PC: variants seen among roughly 807,000 people sequenced by gnomAD.
PC encodes the protein pyruvate carboxylase.
In PC, 46 loss-of-function variants were observed where a neutral mutation model predicts 107.8. The observed-to-expected ratio is 0.43, with a 90% CI of 0.34 to 0.55. The LOEUF (loss-of-function observed/expected upper bound fraction) is 0.55, where lower values mean the gene tolerates loss of function less well. Among genes scored for constraint, PC ranks in the 20% least tolerant of loss-of-function variants. The pLI is 0.04. For synonymous variants in PC, 662 were observed against 684.7 expected (o/e 0.97, Z 0.52); for missense variants, 1,241 against 1,643.1 (o/e 0.76, Z 4.23).
chr11:66,868,821 G>A lies in PC; in HGVS notation c.1022+25C>T, dbSNP rs374098535. 191 of 1,577,188 alleles carry A rather than the reference G, an allele frequency of 1.2e-4. No individual in the cohort carries two copies. In the African/African-American group the frequency reaches 1.7e-3, roughly 14 times the overall value. The stretch of plus-strand genomic sequence containing the variant: ...GCAAATCCTAGAAGCCGCGCCTCCC[G>A]CCCCGCCTGCCCGCCCACACTCACT... On this transcript the variant is annotated intron_variant, in intron 10 of 22. Coordinates refer to ENST00000393960, the MANE Select transcript of PC (RefSeq NM_001040716.2).
intron 3 of PC, among the ~76,000 whole-genome samples, chr11:66,902,466 C>T (rs1306325855): frequency 6.6e-6 from 1 of 152,134 alleles, no homozygotes; most frequent in Non-Finnish European, 1.5e-5. Flanking sequence ...TGGAAAGACA[C>T]CCAGATGAAC....
chr11:66,900,122 C>A (rs1947893904), intron 3 of PC, among the ~76,000 whole-genome samples: 1 of 151,712 alleles, frequency 6.6e-6, no homozygotes, highest in African/African-American at 2.4e-5. Context: ...TATCCTTACA[C>A]CAGTACCACA....
chr11:66,859,208 G>A (rs903609817), intron 12 of PC: 5 of 1,293,782 alleles, frequency 3.9e-6, no homozygotes, highest in Admixed American at 2.9e-5. Context: ...CCCCCTCCCC[G>A]ACCATGGCTG....
At position 66,852,322 on chromosome 11, in the gene PC, C is replaced by A; in HGVS notation, c.1825+117G>T. The A allele has an allele frequency of 1.1e-6, 1 of 922,654 alleles. No individual in the cohort carries two copies. Among genetic ancestry groups the A allele is most frequent in the East Asian group, 2.5e-5 (1 of 40,134 alleles). 57.2% of individuals were successfully genotyped at this position (922,654 alleles called of 1,614,324 possible). On this transcript the variant is annotated intron_variant, in intron 15 of 22. Transcript: ENST00000393960. This position sits in a 1 kb window ranked among gnomAD's most constrained non-coding sequence, Gnocchi z 4.7. ...GGCGCTGTGCCTTCTTCGGTCCTTC[C>A]TCTTTGGTGTTCTTCGTGTCAGCGT...
chr11:66,877,900 C>T (rs1260732067), intron 3 of PC, among the ~76,000 whole-genome samples: 2 of 152,272 alleles, frequency 1.3e-5, no homozygotes, highest in South Asian at 2.1e-4. Flanking sequence ...CTCACTCCCA[C>T]GTGCTATGGA....
Position 66,871,427 on chromosome 11 carries a change from C to T in PC, c.375G>A (p.Ala125=), listed in dbSNP as rs775684836. The T allele has an allele frequency of 1.6e-5, 26 of 1,613,460 alleles. 1 individual carries two copies. In the East Asian group the frequency reaches 1.8e-4, roughly 11 times the overall value. The part of the protein sequence containing the change: ...HPGYGFLSER[A]DFAQACQDAG... ...CATCCTGGCAGGCCTGGGCGAAGTC[C>T]GCTCGCTCAGAGAGGAACCCGTAGC... The change falls in exon 6 of 23, where the codon GCG becomes GCA. Residue 125 remains alanine, a synonymous_variant. Transcript: ENST00000393960. The surrounding 1 kb of genome is among the most constrained non-coding windows in gnomAD (Gnocchi z 7.4).
At position 66,955,919 on chromosome 11, in the gene PC, C is replaced by T. The variant is rs554533717; in HGVS notation, c.-227-1483G>A. ...TCCTGAGTAGCTGGGATTACAGGTG[C>T]CCGCCACCAGGCCTGGCTAGTTTTT... is the stretch of plus-strand genomic sequence containing the variant. On this transcript the variant is annotated intron_variant, in intron 1 of 22. Coordinates refer to ENST00000393960, the MANE Select transcript of PC (RefSeq NM_001040716.2). Among the ~76,000 whole-genome samples the T allele has an allele frequency of 6.6e-5, 10 of 152,188 alleles. No homozygotes were observed. The South Asian group carries it at 8.3e-4, about 13-fold the overall frequency.
At chr11:66,948,445 C>G (rs1038074668) in intron 3 of PC, among the ~76,000 whole-genome samples, 1 of 152,128 alleles carries the variant, frequency 6.6e-6, no homozygotes, top group African/African-American at 2.4e-5. Flanking sequence ...TGTTCACTCT[C>G]TGGACTGCAG....
chr11:66,933,129 G>A (rs1948903388), intron 3 of PC, among the ~76,000 whole-genome samples: 1 of 152,066 alleles, frequency 6.6e-6, no homozygotes, highest in African/African-American at 2.4e-5. Flanking sequence ...TGGAAGCAAG[G>A]CGAAAGCTCC....
chr11:66,873,407 TA>T (rs1165698469), intron 3 of PC, among the ~76,000 whole-genome samples: 21 of 94,914 alleles, frequency 2.2e-4, no homozygotes, highest in African/African-American at 8.3e-4. Context: ...TAATATAATA[TA>T]AATATATATA....
At chr11:66,851,461 G>C (rs1945487987) in intron 16 of PC, among the ~76,000 whole-genome samples, 181 bp from the exon 17 acceptor site, 2 of 152,212 alleles carry the variant, frequency 1.3e-5, no homozygotes, top group Admixed American at 1.3e-4. Flanking sequence ...AGGCCCTGGA[G>C]GATCAGCTAG....
chr11:66,859,742 C>A (rs748719583), intron 12 of PC: 4 of 1,610,146 alleles, frequency 2.5e-6, no homozygotes, highest in Non-Finnish European at 3.4e-6. Context: ...GGCCCTCTGA[C>A]CTCACGGCCA....
In PC at chr11:66,857,655, T is replaced by C; in HGVS notation, c.1369-4272A>G. ...CTCCCCGGGCCAGGCTCACAGAAGC[T>C]GGCTTCTGGGACTGTCCTGGGCCCA... On this transcript the variant is annotated intron_variant, in intron 12 of 22. Coordinates refer to ENST00000393960, the MANE Select transcript of PC (RefSeq NM_001040716.2). This position sits in a 1 kb window ranked among gnomAD's most constrained non-coding sequence, Gnocchi z 7.1. The C allele has an allele frequency of 7.2e-7, 1 of 1,384,608 alleles. No homozygotes were observed. Among genetic ancestry groups the C allele is most frequent in the Non-Finnish European group, 9.6e-7 (1 of 1,042,454 alleles). 85.8% of individuals were successfully genotyped at this position (1,384,608 alleles called of 1,614,324 possible).
intron 12 of PC, chr11:66,859,546 G>C (rs1266705237): frequency 6.4e-7 from 1 of 1,569,168 alleles, no homozygotes; most frequent in Non-Finnish European, 8.6e-7. Context: ...CCCAGGGGGA[G>C]GGGTGTTTGG....
Position 66,870,464 on chromosome 11 carries a change from A to T in PC, c.752-11T>A. The T allele has an allele frequency of 3.1e-6, 5 of 1,612,578 alleles. No homozygotes were observed. Among genetic ancestry groups the T allele is most frequent in the Non-Finnish European group, 4.2e-6 (5 of 1,179,886 alleles). ...TCCCATACTGGTCCCCTGGGGAGGG[A>T]GGTAAACTGGGCTTAGCTTTTACTG... On this transcript the variant is annotated splice_polypyrimidine_tract_variant and intron_variant, in intron 8 of 22. Coordinates refer to ENST00000393960, the MANE Select transcript of PC (RefSeq NM_001040716.2). The surrounding 1 kb of genome is among the most constrained non-coding windows in gnomAD (Gnocchi z 6.1).
chr11:66,933,076 T>C (rs1161670153), intron 3 of PC, among the ~76,000 whole-genome samples: 1 of 152,098 alleles, frequency 6.6e-6, no homozygotes, highest in Non-Finnish European at 1.5e-5. Flanking sequence ...TCAGTGTAAA[T>C]CTGTTTGCTA....
At chr11:66,898,129 G>A (rs1947820820) in intron 3 of PC, among the ~76,000 whole-genome samples, 1 of 152,278 alleles carries the variant, frequency 6.6e-6, no homozygotes, top group African/African-American at 2.4e-5. Flanking sequence ...AGATTAAACT[G>A]GAATTAAGAT....
At chr11:66,933,830 A>C (rs1431803357) in intron 3 of PC, among the ~76,000 whole-genome samples, 1 of 152,016 alleles carries the variant, frequency 6.6e-6, no homozygotes, top group East Asian at 1.9e-4. Context: ...TTTTCCAAAA[A>C]TCCCATTCAC....
At position 66,850,095 on chromosome 11, in the gene PC, C is replaced by T. The variant is rs775626599; in HGVS notation, c.2740G>A (p.Val914Met). The T allele has an allele frequency of 6.2e-6, 10 of 1,613,716 alleles. No individual in the cohort carries two copies. The highest frequency in any genetic ancestry group is 2.2e-5 in the South Asian group (2 of 91,086). Reference protein sequence around the residue: ...LIKVTPSSKIVGDLAQFMVQN... With the variant: ...LIKVTPSSKIMGDLAQFMVQN... ...ACCATAAACTGGGCCAGGTCCCCCACGATCTTGGAGGAGGGCGTCACCTGA... is the reference window on the plus strand; with the variant it reads ...ACCATAAACTGGGCCAGGTCCCCCATGATCTTGGAGGAGGGCGTCACCTGA... The change falls in exon 20 of 23, where the codon GTG (valine) becomes ATG (methionine). Residue 914 changes from valine (V) to methionine (M), a missense_variant. Physicochemically the swap from Val to Met is conservative, Grantham distance 21 (BLOSUM62 1). Coordinates refer to ENST00000393960, the MANE Select transcript of PC (RefSeq NM_001040716.2).
Sources: gnomAD v4.1 joint callset for allele counts (sites outside exome capture counted in the v4.1 genomes callset) on GRCh38, gnomAD v4.1.1 for gene constraint, Gnocchi (gnomAD v3.1) non-coding constraint, MANE v1.5 for transcripts, NCBI Gene and HGNC (gene_info 2026-07-23, HGNC 2026-07-21) for gene names.